Variants in DAG1 observed in about 807,000 individuals in gnomAD.
DAG1 encodes dystroglycan 1.
A neutral mutation model predicts 46.1 loss-of-function variants in DAG1; 8 were observed. The ratio of observed to expected loss-of-function variants is 0.17; its 90% CI spans 0.10 to 0.31. The LOEUF is 0.31. DAG1 is among the 10% of genes least tolerant of loss of function. The pLI is 1.00. For missense variants in DAG1, 1,003 were observed against 1,189.9 expected (o/e 0.84, Z 2.31); for synonymous variants, 495 against 481.8 (o/e 1.03, Z -0.36).
intron 2 of DAG1, among the ~76,000 whole-genome samples, chr3:49,528,274 G>GTTTTTTTTTTTTTT (rs1559575548): frequency 1.7e-5 from 1 of 60,328 alleles, no homozygotes; most frequent in African/African-American, 6.1e-5. Flanking sequence ...GAAATAGTGT[G>GTTTTTTTTTTTTTT]ATTTTTTTTT....
intron 2 of DAG1, among the ~76,000 whole-genome samples, chr3:49,523,032 G>C (rs1370422667): frequency 6.6e-6 from 1 of 152,180 alleles, no homozygotes; most frequent in Non-Finnish European, 1.5e-5. Flanking sequence ...GGACCAGCTT[G>C]TCACCCCAAA....
intron 2 of DAG1, among the ~76,000 whole-genome samples, chr3:49,516,879 G>A (rs1458532288): frequency 6.6e-6 from 1 of 152,040 alleles, no homozygotes; most frequent in African/African-American, 2.4e-5. Context: ...GAGCCGTTCA[G>A]CAGATAGTGT....
rs559810266 is a variant in DAG1 at position 49,510,369 on chromosome 3, T to C, written c.-116-50T>C. Reference sequence around the variant, plus strand: ...TAACTCCTGGAGGATAGTATGTGACTGAACCACTGGAATTGCTCAAGTCTA... The same window carrying C: ...TAACTCCTGGAGGATAGTATGTGACCGAACCACTGGAATTGCTCAAGTCTA... On this transcript the variant is annotated intron_variant, in intron 1 of 2. Coordinates refer to ENST00000308775, the MANE Select transcript of DAG1 (RefSeq NM_004393.6). 1.7e-5 allele frequency: 12 copies of C among 695,022 alleles called. No individual in the cohort carries two copies. In the South Asian group the frequency reaches 2.0e-4, roughly 12 times the overall value. The allele number at this position is 695,022 out of a possible 1,614,324, so 43.1% of individuals were successfully genotyped here.
In DAG1 at chr3:49,532,259, G is replaced by T. The variant is rs1228917529; in HGVS notation, c.1748G>T (p.Gly583Val). Reference sequence around the variant, plus strand: ...TATTTCATGCATGCCACAGACAAGGGGGGCCTGTCGGCTGTGGATGCCTTC... The same window carrying T: ...TATTTCATGCATGCCACAGACAAGGTGGGCCTGTCGGCTGTGGATGCCTTC... ...HEYFMHATDK[G>V]GLSAVDAFEI... The change falls in exon 3 of 3, where the codon GGG becomes GTG. Residue 583 changes from glycine to valine, a missense_variant. Physicochemically the swap from Gly to Val is moderately radical, Grantham distance 109 (BLOSUM62 -3). Around this residue, in one of 3 missense-constraint regions of DAG1, gnomAD observed 755 missense variants for 854.1 expected, o/e 0.88. Coordinates refer to ENST00000308775, the MANE Select transcript of DAG1 (RefSeq NM_004393.6). This position sits in a 1 kb window ranked among gnomAD's most constrained non-coding sequence, Gnocchi z 5.4. The T allele has an allele frequency of 3.1e-6, 5 of 1,613,846 alleles. No individual in the cohort carries two copies. The highest frequency in any genetic ancestry group is 2.5e-6 in the Non-Finnish European group (3 of 1,179,868).
At chr3:49,488,050 C>A (rs1164490905) in intron 1 of DAG1, among the ~76,000 whole-genome samples, 2 of 152,052 alleles carry the variant, frequency 1.3e-5, no homozygotes, top group Non-Finnish European at 2.9e-5. Context: ...TCAAGTTTTA[C>A]TAGAAAAACA....
Position 49,530,804 on chromosome 3 carries a change from C to A in DAG1, c.293C>A (p.Ala98Glu). The stretch of plus-strand genomic sequence containing the variant: ...TGCTTGTGTCTCTTCTAGGTATCAG[C>A]GGCAGGGAAGGAGGCTTTGCCATCT... ...ASSGDIIKVS[A>E]AGKEALPSWL... Residue 98 changes from alanine (A) to glutamate (E), a missense_variant, in exon 3 of 3, where the codon GCG becomes GAG. Physicochemically the swap from Ala to Glu is moderately radical, Grantham distance 107. This residue lies in a region of DAG1 where 196 missense variants were observed against 239.1 expected (regional missense o/e 0.82). Coordinates refer to ENST00000308775, the MANE Select transcript of DAG1 (RefSeq NM_004393.6). 1.2e-6 allele frequency: 2 copies of A among 1,614,210 alleles called. No individual in the cohort carries two copies. The highest frequency in any genetic ancestry group is 4.5e-5 in the East Asian group (2 of 44,890).
At chr3:49,500,351 A>T (rs1208922617) in intron 1 of DAG1, among the ~76,000 whole-genome samples, 1 of 152,102 alleles carries the variant, frequency 6.6e-6, no homozygotes, top group Non-Finnish European at 1.5e-5. Context: ...AGAGTCCCAC[A>T]TATCACAACT....
intron 2 of DAG1, among the ~76,000 whole-genome samples, chr3:49,513,933 G>T (rs1042650409): frequency 6.6e-6 from 1 of 152,108 alleles, no homozygotes; most frequent in Non-Finnish European, 1.5e-5. Context: ...AATGTTTTAC[G>T]TGGATTAATC....
chr3:49,527,660 G>A (rs1017532901), intron 2 of DAG1, among the ~76,000 whole-genome samples: 4 of 152,032 alleles, frequency 2.6e-5, no homozygotes, highest in Admixed American at 6.6e-5. Context: ...CCGAGATCAC[G>A]CCCCTGCACT....
chr3:49,490,336 G>C (rs2050149135), intron 1 of DAG1, among the ~76,000 whole-genome samples: 1 of 150,032 alleles, frequency 6.7e-6, no homozygotes, highest in Admixed American at 6.6e-5. Context: ...CTGGGCGACA[G>C]AGTGAGACTC....
intron 2 of DAG1, among the ~76,000 whole-genome samples, chr3:49,521,387 G>C (rs1229752323): frequency 6.6e-6 from 1 of 151,998 alleles, no homozygotes; most frequent in Non-Finnish European, 1.5e-5. Context: ...GGATGGTCTC[G>C]ATCTCCTGAC....
chr3:49,496,618 C>T (rs1406315893), intron 1 of DAG1, among the ~76,000 whole-genome samples: 1 of 151,950 alleles, frequency 6.6e-6, no homozygotes. Context: ...CCTTGGCCTC[C>T]CAGAGTGCTG....
At chr3:49,475,780 T>C (rs1274933572) in intron 1 of DAG1, among the ~76,000 whole-genome samples, 1 of 150,990 alleles carries the variant, frequency 6.6e-6, no homozygotes, top group Admixed American at 6.7e-5. Context: ...CCTGGCTCAC[T>C]GTAAGCTCCG....
At chr3:49,496,137 A>T (rs1329148961) in intron 1 of DAG1, among the ~76,000 whole-genome samples, 1 of 152,072 alleles carries the variant, frequency 6.6e-6, no homozygotes, top group East Asian at 1.9e-4. Context: ...GTAACTAAGT[A>T]ATGTTTTCTA....
At chr3:49,523,671 G>C (rs2051097303) in intron 2 of DAG1, among the ~76,000 whole-genome samples, 1 of 152,204 alleles carries the variant, frequency 6.6e-6, no homozygotes, top group South Asian at 2.1e-4. Flanking sequence ...TTGGGAAGGA[G>C]AACTAGGGAG....
At chr3:49,522,753 T>G (rs918569357) in intron 2 of DAG1, among the ~76,000 whole-genome samples, 1 of 152,188 alleles carries the variant, frequency 6.6e-6, no homozygotes, top group African/African-American at 2.4e-5. Context: ...ACTTTCTATC[T>G]CAGAAGCACA....
chr3:49,498,434 A>G (rs2050368730), intron 1 of DAG1, among the ~76,000 whole-genome samples: 1 of 152,098 alleles, frequency 6.6e-6, no homozygotes, highest in Non-Finnish European at 1.5e-5. Flanking sequence ...TCAAATAAAC[A>G]ATGACTTCAC....
intron 2 of DAG1, among the ~76,000 whole-genome samples, chr3:49,521,167 G>T (rs1417536833): frequency 4.6e-5 from 7 of 151,768 alleles, no homozygotes; most frequent in Non-Finnish European, 5.9e-5. Flanking sequence ...GTTTGTTTTT[G>T]TTGTTGTTGT....
rs78720195 is a variant in DAG1, at chr3:49,531,364, G to A, written c.853G>A (p.Ala285Thr). The change falls in exon 3 of 3, where the codon GCA becomes ACA. Residue 285 changes from alanine (A) to threonine (T), a missense_variant. Ala to Thr is a moderately conservative substitution (Grantham distance 58). Around this residue, in one of 3 missense-constraint regions of DAG1, gnomAD observed 755 missense variants for 854.1 expected, o/e 0.88. Transcript: ENST00000308775. This position sits in a 1 kb window ranked among gnomAD's most constrained non-coding sequence, Gnocchi z 7.0. ...TGTAGAGGCCCCTGCCAGGGAGGGCGCAATGTCTGCTCAGCTTGGCTACCC... is the reference window on the plus strand; with the variant it reads ...TGTAGAGGCCCCTGCCAGGGAGGGCACAATGTCTGCTCAGCTTGGCTACCC... ...HGVEAPAREG[A>T]MSAQLGYPVV... 122 of 1,614,100 alleles carry A rather than the reference G, an allele frequency of 7.6e-5. 1 individual carries two copies. In the East Asian group the frequency reaches 1.8e-3, roughly 23 times the overall value.
Sources: gnomAD v4.1 joint callset for allele counts (sites outside exome capture counted in the v4.1 genomes callset) on GRCh38, gnomAD v4.1.1 for gene constraint, gnomAD v4.1.1 regional missense constraint, Gnocchi (gnomAD v3.1) non-coding constraint, MANE v1.5 for transcripts, NCBI Gene and HGNC (gene_info 2026-07-23, HGNC 2026-07-21) for gene names.